CRISPLD2: variants seen among roughly 807,000 people sequenced by gnomAD.
The protein encoded by CRISPLD2 is cysteine rich secretory protein LCCL domain containing 2, also known as cysteine-rich secretory protein LCCL domain-containing 2.
In CRISPLD2, 47 loss-of-function variants were observed where a neutral mutation model predicts 71.1. That is an observed-to-expected ratio of 0.66 (90% CI 0.52 to 0.84). CRISPLD2 has a LOEUF of 0.84. Ranked by LOEUF, CRISPLD2 falls within the 40% of genes least tolerant of loss-of-function variation. CRISPLD2 has a pLI of 0.00. For missense variants in CRISPLD2, 830 were observed against 651.1 expected, an observed-to-expected ratio of 1.27 and a Z score of -2.99; for synonymous variants, 317 against 250.1, an observed-to-expected ratio of 1.27 and a Z score of -2.52.
intron 8 of CRISPLD2, among the ~76,000 whole-genome samples, chr16:84,870,860 A>T (rs1209909902): frequency 7.2e-5 from 11 of 151,772 alleles, no homozygotes; most frequent in African/African-American, 2.7e-4. Flanking sequence ...AGAGTTTGAG[A>T]CCAGCCTGGG....
chr16:84,821,836 A>G (rs767419541), intron 1 of CRISPLD2, among the ~76,000 whole-genome samples: 4 of 152,244 alleles, frequency 2.6e-5, no homozygotes, highest in Non-Finnish European at 5.9e-5. Flanking sequence ...AGACATGCCC[A>G]GGGTTTCCAC....
chr16:84,839,116 G>A (rs1403788417), intron 2 of CRISPLD2: 1 of 369,208 alleles, frequency 2.7e-6, no homozygotes, highest in African/African-American at 2.1e-5. Context: ...TGAACTCCTA[G>A]GCTCAAGCAA....
chr16:84,872,348 G>A, intron 8 of CRISPLD2, 94 bp from the exon 9 acceptor site: 3 of 1,024,028 alleles, frequency 2.9e-6, no homozygotes, highest in Non-Finnish European at 4.6e-6. Context: ...TCTATATTTA[G>A]TAATAGAGCC....
intron 14 of CRISPLD2, among the ~76,000 whole-genome samples, chr16:84,894,159 C>T (rs934437374): frequency 2.4e-4 from 37 of 152,132 alleles, no homozygotes; most frequent in African/African-American, 8.9e-4. Context: ...AATGAGGCAA[C>T]ATAAGAGACT....
chr16:84,903,855 A>G (rs1488193101), intron 14 of CRISPLD2, among the ~76,000 whole-genome samples: 1 of 152,288 alleles, frequency 6.6e-6, no homozygotes, highest in East Asian at 1.9e-4. Flanking sequence ...ACCTCAGATA[A>G]GAACAGAGGG....
intron 14 of CRISPLD2, among the ~76,000 whole-genome samples, chr16:84,904,306 C>A (rs187059162): frequency 1.3e-5 from 2 of 151,882 alleles, no homozygotes; most frequent in Non-Finnish European, 2.9e-5. Context: ...GTGATTGGGC[C>A]TGGTACGGTG....
chr16:84,868,817 TG>T, intron 7 of CRISPLD2, 33 bp from the exon 8 acceptor site: 1 of 1,586,562 alleles, frequency 6.3e-7, no homozygotes, highest in Non-Finnish European at 8.6e-7. Context: ...CCTGGTTTCG[TG>T]CCGTGACATG....
chr16:84,906,592 G>T lies in CRISPLD2; in HGVS notation c.1444G>T (p.Gly482Trp), dbSNP rs372392348. 8.1e-6 allele frequency: 13 copies of T among 1,612,748 alleles called. No individual in the cohort carries two copies. The highest frequency in any genetic ancestry group is 2.7e-5 in the African/African-American group (2 of 74,848). Residue 482 changes from glycine to tryptophan, a missense_variant, in exon 15 of 15, where the codon GGG (glycine) becomes TGG (tryptophan). Gly to Trp is a radical substitution (Grantham distance 184). Coordinates refer to ENST00000262424, the MANE Select transcript of CRISPLD2 (RefSeq NM_031476.4). ...CCTCTTTCTTCTTTTTTTCAGCCTGGGGACTCCTCGGGATGGAAAGGCCTT... is the reference window on the plus strand; with the variant it reads ...CCTCTTTCTTCTTTTTTTCAGCCTGTGGACTCCTCGGGATGGAAAGGCCTT... ...LRNGVQSESL[G>W]TPRDGKAFRI...
At position 84,875,835 on chromosome 16, in the gene CRISPLD2, G is replaced by A. The variant is rs530980486; in HGVS notation, c.1157-1603G>A. ...CCCGCCTGGGCCTCCCCAAGTGCTAGGATTACATGCGTGAGCCATTGCACC... is the reference window on the plus strand; with the variant it reads ...CCCGCCTGGGCCTCCCCAAGTGCTAAGATTACATGCGTGAGCCATTGCACC... On this transcript the variant is annotated intron_variant, in intron 11 of 14. Coordinates refer to ENST00000262424, the MANE Select transcript of CRISPLD2 (RefSeq NM_031476.4). Among the ~76,000 whole-genome samples the A allele has an allele frequency of 1.4e-3, 214 of 151,512 alleles. 1 individual carries two copies. Among genetic ancestry groups the A allele is most frequent in the African/African-American group, 5.0e-3 (208 of 41,290 alleles).
chr16:84,871,647 G>A (rs2071469948), intron 8 of CRISPLD2, among the ~76,000 whole-genome samples: 1 of 151,444 alleles, frequency 6.6e-6, no homozygotes, highest in Admixed American at 6.6e-5. Flanking sequence ...TGCCTCCAGG[G>A]TTCAAGTGAC....
intron 6 of CRISPLD2, among the ~76,000 whole-genome samples, chr16:84,863,957 C>CAAAAAAAAAAAA (rs781013604): frequency 1.2e-5 from 1 of 80,830 alleles, no homozygotes; most frequent in African/African-American, 4.3e-5. Context: ...AACTTCCTCT[C>CAAAAAAAAAAAA]AAAAAAAAAA....
chr16:84,855,564 G>A (rs1389749975), intron 6 of CRISPLD2, among the ~76,000 whole-genome samples: 1 of 152,088 alleles, frequency 6.6e-6, no homozygotes, highest in African/African-American at 2.4e-5. Context: ...CCAGATTACG[G>A]GTGGGTCTGC....
intron 14 of CRISPLD2, among the ~76,000 whole-genome samples, chr16:84,902,606 T>C (rs879144559): frequency 1.5e-4 from 22 of 149,876 alleles, no homozygotes; most frequent in African/African-American, 5.2e-4. Context: ...CGAGACTCCA[T>C]CTCAAAAAAA....
At chr16:84,877,540 T>C in intron 12 of CRISPLD2, 30 bp downstream of exon 12, 1 of 1,609,242 alleles carries the variant, frequency 6.2e-7, no homozygotes, top group African/African-American at 1.3e-5. Context: ...TCATCTTTTC[T>C]ATGGAAGATG....
chr16:84,854,618 C>CA (rs1917183060), intron 5 of CRISPLD2, 111 bp from the exon 6 acceptor site: 6 of 774,534 alleles, frequency 7.7e-6, no homozygotes, highest in African/African-American at 3.4e-5. Context: ...ACCTTCCCCC[C>CA]TGACCTGTCA....
At chr16:84,892,754 TC>T (rs2071673701) in intron 14 of CRISPLD2, among the ~76,000 whole-genome samples, 1 of 151,962 alleles carries the variant, frequency 6.6e-6, no homozygotes, top group African/African-American at 2.4e-5. Flanking sequence ...GACGGGCAGA[TC>T]ACTTGAGGTC....
intron 14 of CRISPLD2, among the ~76,000 whole-genome samples, chr16:84,901,908 C>G (rs1360550668): frequency 6.6e-6 from 1 of 150,544 alleles, no homozygotes; most frequent in East Asian, 2.0e-4. Flanking sequence ...ATTCTCCTGC[C>G]TCAGCCTCCC....
intron 3 of CRISPLD2, among the ~76,000 whole-genome samples, chr16:84,848,979 C>T (rs1179816972): frequency 1.6e-5 from 2 of 128,326 alleles, no homozygotes; most frequent in Non-Finnish European, 3.4e-5. Flanking sequence ...GAGCGAGACT[C>T]CGTCTCAAAA....
intron 14 of CRISPLD2, among the ~76,000 whole-genome samples, chr16:84,897,647 C>T (rs901635877): frequency 4.6e-5 from 7 of 152,002 alleles, no homozygotes; most frequent in South Asian, 2.1e-4. Context: ...TTCAGAGTTT[C>T]GCTGTTTTGC....
Sources: gnomAD v4.1 joint callset for allele counts (sites outside exome capture counted in the v4.1 genomes callset) on GRCh38, gnomAD v4.1.1 for gene constraint, MANE v1.5 for transcripts, NCBI Gene and HGNC (gene_info 2026-07-23, HGNC 2026-07-21) for gene names.